DHX38: variants seen among roughly 807,000 people sequenced by gnomAD.
DHX38 encodes the protein DEAH-box helicase 38, also known as pre-mRNA-splicing factor ATP-dependent RNA helicase PRP16.
Under a neutral mutation model 153.1 loss-of-function variants are expected in DHX38, and 100 were observed. The ratio of observed to expected loss-of-function variants is 0.65; its 90% confidence interval spans 0.56 to 0.77. The LOEUF (loss-of-function observed/expected upper bound fraction) is 0.77, where lower values mean the gene tolerates loss of function less well. Among genes scored for constraint, DHX38 ranks in the 30% least tolerant of loss-of-function variants. The pLI, the probability that DHX38 is intolerant of heterozygous loss-of-function variation, is 0.00. For missense variants in DHX38, 1,440 were observed against 1,654.0 expected (o/e 0.87, Z 2.24); for synonymous variants, 650 against 631.7 (o/e 1.03, Z -0.43).
chr16:72,097,649 T>C (rs1041371351), intron 3 of DHX38, 28 bp from the exon 4 acceptor site: 1 of 1,607,574 alleles, frequency 6.2e-7, no homozygotes, highest in Non-Finnish European at 8.5e-7. Flanking sequence ...GGGATGCATG[T>C]TTTTAAGCTT....
intron 11 of DHX38, among the ~76,000 whole-genome samples, chr16:72,101,997 C>T (rs1414468235): frequency 1.3e-5 from 2 of 152,082 alleles, no homozygotes; most frequent in Admixed American, 6.6e-5. Flanking sequence ...GGTTTTAGTC[C>T]CTTAGATTTG....
Position 72,104,779 on chromosome 16 carries a change from C to T in DHX38, c.2151+153C>T, listed in dbSNP as rs1188891969. Among the ~76,000 whole-genome samples the T allele has an allele frequency of 6.6e-6, 1 of 152,156 alleles. No individual in the cohort carries two copies. Among genetic ancestry groups the T allele is most frequent in the Non-Finnish European group, 1.5e-5 (1 of 68,026 alleles). Reference sequence around the variant, plus strand: ...AATGGGGCAGCCTGCAGCTCTGGGACTCGGGGACAAAGGACTCTGCTCTGG... The same window carrying T: ...AATGGGGCAGCCTGCAGCTCTGGGATTCGGGGACAAAGGACTCTGCTCTGG... On this transcript the variant is annotated intron_variant, in intron 15 of 26. Transcript: ENST00000268482. The surrounding 1 kb of genome is among the most constrained non-coding windows in gnomAD (Gnocchi z 4.5).
chr16:72,103,628 G>C lies in DHX38; in HGVS notation c.1664G>C (p.Gly555Ala). 1 of 1,611,344 alleles carries C rather than the reference G, an allele frequency of 6.2e-7. No individual in the cohort carries two copies. The change falls in exon 13 of 27, where the codon GGG (glycine) becomes GCG (alanine). Residue 555 changes from glycine to alanine, a missense_variant. Gly to Ala is a moderately conservative substitution (Grantham distance 60). Around this residue, in one of 6 missense-constraint regions of DHX38, gnomAD observed 241 missense variants for 229.5 expected, o/e 1.05. Coordinates refer to ENST00000268482, the MANE Select transcript of DHX38 (RefSeq NM_014003.4). ...GACAACAGCATCGTGATCGTGGTTG[G>C]GGAGACGGGGAGTGGTAAGACCACT... is the stretch of plus-strand genomic sequence containing the variant. Reference protein sequence around the residue: ...IRDNSIVIVVGETGSGKTTQL... With the variant: ...IRDNSIVIVVAETGSGKTTQL...
intron 19 of DHX38, 133 bp downstream of exon 19, chr16:72,106,250 T>C: frequency 1.3e-6 from 1 of 759,668 alleles, no homozygotes; most frequent in Non-Finnish European, 2.1e-6. Context: ...GGGCTGCCAC[T>C]TGTTAGTCCT....
chr16:72,107,672 T>C lies in DHX38; in HGVS notation c.2837T>C (p.Met946Thr). Reference sequence around the variant, plus strand: ...GGTCTGACCTCTACCGGGCGGCTGATGGTGGAGTTCCCGCTGGACCCTGCC... The same window carrying C: ...GGTCTGACCTCTACCGGGCGGCTGACGGTGGAGTTCCCGCTGGACCCTGCC... ...TGGLTSTGRL[M>T]VEFPLDPALS... The change falls in exon 21 of 27, where the codon ATG becomes ACG. Residue 946 changes from methionine to threonine, a missense_variant. Met to Thr is a moderately conservative substitution (Grantham distance 81). Around this residue, in one of 6 missense-constraint regions of DHX38, gnomAD observed 543 missense variants for 717.9 expected, o/e 0.76. Transcript: ENST00000268482. The surrounding 1 kb of genome is among the most constrained non-coding windows in gnomAD (Gnocchi z 5.3). 2 of 1,614,148 alleles carry C rather than the reference T, an allele frequency of 1.2e-6. No homozygotes were observed. Among genetic ancestry groups the C allele is most frequent in the Middle Eastern group, 1.6e-4 (1 of 6,062 alleles).
At chr16:72,095,255 T>G (rs1446636942) in intron 1 of DHX38, among the ~76,000 whole-genome samples, 1 of 152,258 alleles carries the variant, frequency 6.6e-6, no homozygotes, top group Admixed American at 6.5e-5. Flanking sequence ...TGTAGCCACT[T>G]AAATACTTCT....
chr16:72,100,008 A>G, intron 8 of DHX38, 121 bp downstream of exon 8: 4 of 1,351,594 alleles, frequency 3.0e-6, no homozygotes, highest in Non-Finnish European at 4.0e-6. Context: ...AGAAGCCCAG[A>G]TCCTCTGGAG....
chr16:72,101,671 G>A, intron 11 of DHX38, 59 bp downstream of exon 11: 1 of 1,401,818 alleles, frequency 7.1e-7, no homozygotes, highest in Non-Finnish European at 9.9e-7. Flanking sequence ...GCCCATGTGG[G>A]CAGTTGCGGC....
chr16:72,102,044 A>G (rs1254738439), intron 11 of DHX38, among the ~76,000 whole-genome samples: 1 of 152,206 alleles, frequency 6.6e-6, no homozygotes, highest in African/African-American at 2.4e-5. Context: ...AGAGGTTCCA[A>G]AATAGAAAGG....
rs759002603 is a variant in DHX38, at chr16:72,103,799, G to A, written c.1824+11G>A. ...AACCTTGGCGAGGAGGTGAGTGGGC[G>A]TGGGGGCTGAGCCATGTAGTTATTC... On this transcript the variant is annotated intron_variant, in intron 13 of 26. Coordinates refer to ENST00000268482, the MANE Select transcript of DHX38 (RefSeq NM_014003.4). The A allele has an allele frequency of 1.4e-5, 22 of 1,607,788 alleles. No homozygotes were observed. In the Middle Eastern group the frequency reaches 5.0e-4, roughly 36 times the overall value.
intron 23 of DHX38, 63 bp from the exon 24 acceptor site, chr16:72,108,737 G>A: frequency 6.3e-7 from 1 of 1,598,420 alleles, no homozygotes; most frequent in Non-Finnish European, 8.5e-7. Flanking sequence ...GTTAAGGGAT[G>A]GGGTCGCTGC....
In DHX38 at chr16:72,104,806, T is replaced by C. The variant is rs1299468102; in HGVS notation, c.2151+180T>C. Among the ~76,000 whole-genome samples the C allele has an allele frequency of 6.6e-6, 1 of 151,838 alleles. No homozygotes were observed. Among genetic ancestry groups the C allele is most frequent in the Non-Finnish European group, 1.5e-5 (1 of 67,954 alleles). On this transcript the variant is annotated intron_variant, in intron 15 of 26. Coordinates refer to ENST00000268482, the MANE Select transcript of DHX38 (RefSeq NM_014003.4). The surrounding 1 kb of genome is among the most constrained non-coding windows in gnomAD (Gnocchi z 4.5). ...CGGGGACAAAGGACTCTGCTCTGGG[T>C]GAGGTTTTGTTTCATTATTTCTTTG...
Position 72,104,364 on chromosome 16 carries a change from G to A in DHX38, c.2011-122G>A. On this transcript the variant is annotated intron_variant, in intron 14 of 26. Coordinates refer to ENST00000268482, the MANE Select transcript of DHX38 (RefSeq NM_014003.4). The surrounding 1 kb of genome is among the most constrained non-coding windows in gnomAD (Gnocchi z 4.5). ...TTGCTTCAGTCTTCATGATTGGTAA[G>A]AATTGAATAGGCCCATTTGTCAGCT... The A allele has an allele frequency of 1.4e-6, 2 of 1,387,120 alleles. No homozygotes were observed. Among genetic ancestry groups the A allele is most frequent in the South Asian group, 1.4e-5 (1 of 73,334 alleles). The allele number at this position is 1,387,120 out of a possible 1,614,324, so 85.9% of individuals were successfully genotyped here.
At chr16:72,111,113 A>G (rs779430566) in intron 26 of DHX38, 36 bp downstream of exon 26, 26 of 1,529,250 alleles carry the variant, frequency 1.7e-5, no homozygotes, top group Non-Finnish European at 2.2e-5. Flanking sequence ...CTGGGGTGGC[A>G]CCCATCCCAG....
chr16:72,104,240 G>A lies in DHX38; in HGVS notation c.2010+109G>A. 1 of 1,371,956 alleles carries A rather than the reference G, an allele frequency of 7.3e-7. No individual in the cohort carries two copies. The highest frequency in any genetic ancestry group is 9.9e-7 in the Non-Finnish European group (1 of 1,013,060). 85.0% of individuals were successfully genotyped at this position (1,371,956 alleles called of 1,614,324 possible). On this transcript the variant is annotated intron_variant, in intron 14 of 26. Transcript: ENST00000268482. The surrounding 1 kb of genome is among the most constrained non-coding windows in gnomAD (Gnocchi z 4.5). ...CTGAGGGGGTCTCTGGTAGGCCAGA[G>A]GTTCCTGAGGCCTCTGGTTGCAGTT... is the stretch of plus-strand genomic sequence containing the variant.
chr16:72,103,489 G>T, intron 12 of DHX38, 113 bp from the exon 13 acceptor site: 1 of 1,234,522 alleles, frequency 8.1e-7, no homozygotes, highest in East Asian at 2.4e-5. Flanking sequence ...TTCTAAACCG[G>T]CATGCTCCCT....
chr16:72,106,043 C>T lies in DHX38; in HGVS notation c.2526C>T (p.Ile842=), dbSNP rs1216536317. 2.5e-6 allele frequency: 4 copies of T among 1,614,240 alleles called. No individual in the cohort carries two copies. The highest frequency in any genetic ancestry group is 3.4e-6 in the Non-Finnish European group (4 of 1,180,040). ...GGATTGGCATGGATGCTCTGCAGAT[C>T]TATCCCATTAGCCAGGCCAATGCCA... is the stretch of plus-strand genomic sequence containing the variant. The part of the protein sequence containing the change: ...NPRIGMDALQ[I]YPISQANANQ... Residue 842 remains isoleucine, a synonymous_variant, in exon 19 of 27, where the codon ATC becomes ATT. Coordinates refer to ENST00000268482, the MANE Select transcript of DHX38 (RefSeq NM_014003.4).
At chr16:72,108,731 A>C in intron 23 of DHX38, 69 bp from the exon 24 acceptor site, 1 of 1,597,304 alleles carries the variant, frequency 6.3e-7, no homozygotes, top group Non-Finnish European at 8.5e-7. Flanking sequence ...AAGAGTGTTA[A>C]GGGATGGGGT....
intron 18 of DHX38, 96 bp downstream of exon 18, chr16:72,105,720 G>A: frequency 3.2e-6 from 4 of 1,247,496 alleles, no homozygotes; most frequent in Non-Finnish European, 4.7e-6. Flanking sequence ...GCCCTGGGAT[G>A]TGGGGAGCGC....
Sources: gnomAD v4.1 joint callset for allele counts (sites outside exome capture counted in the v4.1 genomes callset) on GRCh38, gnomAD v4.1.1 for gene constraint, gnomAD v4.1.1 regional missense constraint, Gnocchi (gnomAD v3.1) non-coding constraint, MANE v1.5 for transcripts, NCBI Gene and HGNC (gene_info 2026-07-23, HGNC 2026-07-21) for gene names.